The following TNRC6B variants were observed in gnomAD, a reference collection of about 807,000 sequenced individuals.
The protein encoded by TNRC6B is trinucleotide repeat-containing gene 6B protein.
A neutral mutation model predicts 203.6 loss-of-function variants in TNRC6B; 52 were observed. The observed-to-expected ratio is 0.26, with a 90% CI of 0.20 to 0.32. The LOEUF is 0.32. Among genes scored for constraint, TNRC6B ranks in the 10% least tolerant of loss-of-function variants. TNRC6B has a pLI of 1.00. For missense variants in TNRC6B, 1,923 were observed against 2,286.2 expected, an observed-to-expected ratio of 0.84 and a Z score of 3.24; for synonymous variants, 838 against 845.7, an observed-to-expected ratio of 0.99 and a Z score of 0.16.
chr22:40,221,430 C>T (rs2146435990), intron 1 of TNRC6B, among the ~76,000 whole-genome samples: 2 of 152,186 alleles, frequency 1.3e-5, no homozygotes, highest in South Asian at 4.1e-4. Context: ...TTGGCTACCT[C>T]TGTTTTCTGT....
At chr22:40,268,649 C>T (rs550629802) in intron 5 of TNRC6B, among the ~76,000 whole-genome samples, 3 of 152,010 alleles carry the variant, frequency 2.0e-5, no homozygotes, top group Admixed American at 6.6e-5. Flanking sequence ...CGGTGGCTCA[C>T]GCCTGTAATC....
At chr22:40,052,243 T>C (rs1268597266) in intron 1 of TNRC6B, among the ~76,000 whole-genome samples, 1 of 152,188 alleles carries the variant, frequency 6.6e-6, no homozygotes, top group African/African-American at 2.4e-5. Flanking sequence ...TTTTTTGGTG[T>C]CATTGTTTTT....
rs184969125 is a variant in TNRC6B, at chr22:40,072,914, G to A, written c.-121+27916G>A. ...GCTGGCTTCACAGTGGAGGTATAGA[G>A]CATTGGGACATAAGCTAGAACAAAA... is the stretch of plus-strand genomic sequence containing the variant. On this transcript the variant is annotated intron_variant, in intron 1 of 23. Coordinates refer to the TNRC6B transcript ENST00000301923. Among the ~76,000 whole-genome samples the A allele has an allele frequency of 6.2e-5, 9 of 144,904 alleles. No homozygotes were observed. The East Asian group carries it at 1.6e-3, about 25-fold the overall frequency.
intron 1 of TNRC6B, among the ~76,000 whole-genome samples, chr22:40,217,174 A>T (rs886767082): frequency 6.6e-6 from 1 of 152,144 alleles, no homozygotes; most frequent in Non-Finnish European, 1.5e-5. Context: ...CCTTGTCTTC[A>T]TTACTGCATC....
chr22:40,209,249 G>A (rs1201564039), intron 1 of TNRC6B, among the ~76,000 whole-genome samples: 2 of 107,790 alleles, frequency 1.9e-5, no homozygotes, highest in Non-Finnish European at 1.8e-5. Context: ...AACTTCTAAA[G>A]ATAGCTTATA....
intron 4 of TNRC6B, among the ~76,000 whole-genome samples, chr22:40,170,342 TTATATATATATTATG>T (rs2068962465): frequency 1.3e-5 from 1 of 78,520 alleles, no homozygotes; most frequent in African/African-American, 6.0e-5. Context: ...TATATATAGT[TTATATATATATTATG>T]TATATAGTTT....
chr22:40,064,741 C>T (rs1439846241), intron 1 of TNRC6B, among the ~76,000 whole-genome samples: 1 of 151,588 alleles, frequency 6.6e-6, no homozygotes. Flanking sequence ...CTCAGCCTCC[C>T]GAGTAGCTGG....
intron 1 of TNRC6B, among the ~76,000 whole-genome samples, chr22:40,180,353 A>G (rs1212050217): frequency 6.6e-6 from 1 of 152,224 alleles, no homozygotes; most frequent in African/African-American, 2.4e-5. Context: ...CTGTGTAAAC[A>G]TATGAATGGC....
chr22:40,266,042 G>A lies in TNRC6B; in HGVS notation c.1812G>A (p.Leu604=). 1 of 1,613,692 alleles carries A rather than the reference G, an allele frequency of 6.2e-7. No individual in the cohort carries two copies. Among genetic ancestry groups the A allele is most frequent in the Non-Finnish European group, 8.5e-7 (1 of 1,179,906 alleles). ...RPTHPDCQAV[L]QTLLSRTDLD... is the part of the protein sequence containing the mutation. ...CACATCCTGATTGTCAGGCTGTCTTGCAGACTCTTTTGAGCCGAACTGATT... is the reference window on the plus strand; with the variant it reads ...CACATCCTGATTGTCAGGCTGTCTTACAGACTCTTTTGAGCCGAACTGATT... Residue 604 remains leucine, a synonymous_variant, in exon 5 of 23, where the codon TTG becomes TTA. Coordinates refer to ENST00000454349, the MANE Select transcript of TNRC6B (RefSeq NM_001162501.2).
chr22:40,176,105 C>T (rs2069054276), upstream of TNRC6B, among the ~76,000 whole-genome samples: 1 of 151,044 alleles, frequency 6.6e-6, no homozygotes, highest in South Asian at 2.1e-4. Flanking sequence ...TCGATAGTCA[C>T]AGGGCATTCT....
At chr22:40,173,926 C>A (rs2069031037), upstream of TNRC6B, among the ~76,000 whole-genome samples, 1 of 148,720 alleles carries the variant, frequency 6.7e-6, no homozygotes, top group African/African-American at 2.5e-5. Flanking sequence ...GCCTTAGCCT[C>A]CCAAGTAGCT....
At chr22:40,311,836 C>T (rs2071188610) in intron 17 of TNRC6B, among the ~76,000 whole-genome samples, 1 of 152,242 alleles carries the variant, frequency 6.6e-6, no homozygotes, top group Admixed American at 6.5e-5. Flanking sequence ...AGCCACCACG[C>T]CCGGCCAAAG....
intron 21 of TNRC6B, among the ~76,000 whole-genome samples, chr22:40,317,746 A>G (rs530701494): frequency 7.2e-5 from 11 of 152,318 alleles, no homozygotes; most frequent in Non-Finnish European, 1.3e-4. Flanking sequence ...CTTGGTTGCT[A>G]GATAACTGAG....
chr22:40,197,534 C>T (rs755003894), intron 1 of TNRC6B, among the ~76,000 whole-genome samples: 7 of 151,720 alleles, frequency 4.6e-5, no homozygotes, highest in South Asian at 2.1e-4. Context: ...TGATCTACCC[C>T]CCTCGGCCTC....
intron 1 of TNRC6B, among the ~76,000 whole-genome samples, chr22:40,112,672 T>C (rs993671314): frequency 6.6e-6 from 1 of 152,240 alleles, no homozygotes; most frequent in Non-Finnish European, 1.5e-5. Flanking sequence ...GGTTCTGACT[T>C]TTAAATGCTA....
chr22:40,183,948 G>T (rs1323167315), intron 1 of TNRC6B, among the ~76,000 whole-genome samples: 1 of 152,082 alleles, frequency 6.6e-6, no homozygotes, highest in East Asian at 1.9e-4. Context: ...ACCTGCCTCG[G>T]CCTCCCAAAG....
At chr22:40,112,539 G>T (rs1469826241) in intron 1 of TNRC6B, among the ~76,000 whole-genome samples, 2 of 152,188 alleles carry the variant, frequency 1.3e-5, no homozygotes, top group African/African-American at 4.8e-5. Context: ...GATGCCCCTG[G>T]CCCAGTGGCT....
At chr22:40,090,781 TCC>T (rs10566175) in intron 1 of TNRC6B, among the ~76,000 whole-genome samples, 2,276 of 152,210 alleles carry the variant, frequency 0.015, 52 homozygotes, top group African/African-American at 0.052. Flanking sequence ...GTAACCCTAG[TCC>T]CCAAATTGTG....
chr22:40,079,258 C>A (rs947233306), intron 1 of TNRC6B, among the ~76,000 whole-genome samples: 12 of 152,174 alleles, frequency 7.9e-5, no homozygotes, highest in Middle Eastern at 3.4e-3. Context: ...GAAGATCTCT[C>A]CCTCATCCTG....
Sources: gnomAD v4.1 joint callset for allele counts (sites outside exome capture counted in the v4.1 genomes callset) on GRCh38, gnomAD v4.1.1 for gene constraint, MANE v1.5 for transcripts, NCBI Gene and HGNC (gene_info 2026-07-23, HGNC 2026-07-21) for gene names.